Variants in LRIT2 observed in about 807,000 individuals in gnomAD.
The protein encoded by LRIT2 is leucine-rich repeat, immunoglobulin-like domain and transmembrane domain-containing protein 2.
A neutral mutation model predicts 22.4 loss-of-function variants in LRIT2; 23 were observed. The ratio of observed to expected loss-of-function variants is 1.03; its 90% CI spans 0.74 to 1.45. LRIT2 has a LOEUF of 1.45. Ranked by LOEUF, LRIT2 falls within the 40% of genes most tolerant of loss-of-function variation. LRIT2 has a pLI of 0.00. For missense variants in LRIT2, 784 were observed against 665.6 expected (o/e 1.18, Z -1.96); for synonymous variants, 291 against 267.1 (o/e 1.09, Z -0.87).
intron 1 of LRIT2, 86 bp downstream of exon 1, chr10:84,225,325 C>T: frequency 2.0e-6 from 3 of 1,463,714 alleles, no homozygotes; most frequent in Non-Finnish European, 2.8e-6. Flanking sequence ...GATTTCCTGC[C>T]AATTCTAAGC....
rs1842499204 is a variant in LRIT2 at position 84,221,113 on chromosome 10, T to C, written c.*807A>G. ...TGACTAGGGGAAAGCAGCGGACGTA[T>C]GGGTGCTCTTCCTTCTGGGTATGGC... On this transcript the variant is annotated 3_prime_UTR_variant, in exon 3 of 3. Transcript: ENST00000372113. 3 of 152,326 alleles carry C rather than the reference T, an allele frequency of 2.0e-5. No homozygotes were observed. The highest frequency in any genetic ancestry group is 2.1e-4 in the South Asian group (1 of 4,830). 9.4% of individuals were successfully genotyped at this position (152,326 alleles called of 1,614,324 possible).
rs1485326292 is a variant in LRIT2, at chr10:84,221,751, T to C, written c.*169A>G. 1 of 491,888 alleles carries C rather than the reference T, an allele frequency of 2.0e-6. No individual in the cohort carries two copies. Among genetic ancestry groups the C allele is most frequent in the Non-Finnish European group, 3.5e-6 (1 of 288,248 alleles). The allele number at this position is 491,888 out of a possible 1,614,324, so 30.5% of individuals were successfully genotyped here. ...GACTATGTCCCCTTTATCATGAAGA[T>C]AAAGACTCTGTTTCCCTTTTTACTC... On this transcript the variant is annotated 3_prime_UTR_variant, in exon 3 of 3. Coordinates refer to ENST00000372113, the MANE Select transcript of LRIT2 (RefSeq NM_001017924.5).
In LRIT2 at chr10:84,222,165, G is replaced by A; in HGVS notation, c.1408C>T (p.Leu470=). The change falls in exon 3 of 3, where the codon CTG becomes TTG. Residue 470 remains leucine (L), a synonymous_variant. Coordinates refer to ENST00000372113, the MANE Select transcript of LRIT2 (RefSeq NM_001017924.5). ...GGCACTGCAAGCAGCACCACACACA[G>A]GACCACTGTGACATGCAGGAGGTGC... ...REHLLHVTVV[L]CVVLLAVPVG... 1.2e-6 allele frequency: 2 copies of A among 1,614,014 alleles called. No individual in the cohort carries two copies. Among genetic ancestry groups the A allele is most frequent in the Middle Eastern group, 1.7e-4 (1 of 6,060 alleles).
At position 84,222,156 on chromosome 10, in the gene LRIT2, C is replaced by A; in HGVS notation, c.1417G>T (p.Val473Leu). 6.2e-7 allele frequency: 1 copy of A among 1,613,696 alleles called. No individual in the cohort carries two copies. Among genetic ancestry groups the A allele is most frequent in the Non-Finnish European group, 8.5e-7 (1 of 1,179,762 alleles). Residue 473 changes from valine (V) to leucine (L), a missense_variant, in exon 3 of 3, where the codon GTG (valine) becomes TTG (leucine). Transcript: ENST00000372113. ...GCGCCCACAGGCACTGCAAGCAGCA[C>A]CACACACAGGACCACTGTGACATGC... ...LLHVTVVLCVVLLAVPVGAYA... is the reference protein window; with the variant it reads ...LLHVTVVLCVLLLAVPVGAYA...
rs1842539248 is a variant in LRIT2, at chr10:84,224,333, C to T, written c.892G>A (p.Val298Met). 3.1e-6 allele frequency: 5 copies of T among 1,608,036 alleles called. No individual in the cohort carries two copies. The highest frequency in any genetic ancestry group is 2.7e-5 in the African/African-American group (2 of 74,798). ...YPLSMWREFD[V>M]LTSSTGEDTA... ...CACTGAGAGGGTGCATGTGGCTTAC[C>T]ATCAAATTCTCTCCACATACTCAGG... The change falls in exon 2 of 3, where the codon GTG becomes ATG. Residue 298 changes from valine to methionine, a missense_variant and splice_region_variant. Coordinates refer to ENST00000372113, the MANE Select transcript of LRIT2 (RefSeq NM_001017924.5).
At position 84,222,035 on chromosome 10, in the gene LRIT2, G is replaced by A; in HGVS notation, c.1538C>T (p.Ala513Val). 1.2e-6 allele frequency: 2 copies of A among 1,610,706 alleles called. No individual in the cohort carries two copies. The highest frequency in any genetic ancestry group is 2.2e-5 in the South Asian group (2 of 90,562). ...RRKAPSCTPA[A>V]PQSKDGSFRE... ...AAAGGAGCCATCCTTGGACTGCGGG[G>A]CTGCAGGGGTGCAGCTGGGGGCTTT... is the stretch of plus-strand genomic sequence containing the variant. Residue 513 changes from alanine to valine, a missense_variant, in exon 3 of 3, where the codon GCC becomes GTC. Ala to Val is a moderately conservative substitution (Grantham distance 64). Coordinates refer to ENST00000372113, the MANE Select transcript of LRIT2 (RefSeq NM_001017924.5).
intron 2 of LRIT2, 129 bp downstream of exon 2, chr10:84,224,204 G>A: frequency 1.2e-6 from 1 of 837,760 alleles, no homozygotes; most frequent in South Asian, 1.9e-5. Flanking sequence ...GCATAATTCA[G>A]GGCTATCCCA....
In LRIT2 at chr10:84,224,411, G is replaced by A; in HGVS notation, c.814C>T (p.Leu272=). 1 of 1,614,254 alleles carries A rather than the reference G, an allele frequency of 6.2e-7. No homozygotes were observed. Among genetic ancestry groups the A allele is most frequent in the Non-Finnish European group, 8.5e-7 (1 of 1,180,054 alleles). The change falls in exon 2 of 3, where the codon CTG becomes TTG. Residue 272 remains leucine (L), a synonymous_variant. Coordinates refer to ENST00000372113, the MANE Select transcript of LRIT2 (RefSeq NM_001017924.5). ...ITIRAGQNVT[L]RCLAQASPSP... ...GGGCTGGCCTGTGCCAAGCATCGCAGGGTCACATTCTGTCCTGCCCGGATG... is the reference window on the plus strand; with the variant it reads ...GGGCTGGCCTGTGCCAAGCATCGCAAGGTCACATTCTGTCCTGCCCGGATG...
In LRIT2 at chr10:84,224,945, T is replaced by C; in HGVS notation, c.280A>G (p.Ile94Val). The stretch of plus-strand genomic sequence containing the variant: ...AGGTGTTCCAGGGCTCCTAGGTGGA[T>C]CACACTGATATTGTTAAAATTGAGC... ...LWLNFNNISV[I>V]HLGALEHLPE... The change falls in exon 2 of 3, where the codon ATC becomes GTC. Residue 94 changes from isoleucine to valine, a missense_variant. Physicochemically the swap from Ile to Val is conservative, Grantham distance 29. Coordinates refer to ENST00000372113, the MANE Select transcript of LRIT2 (RefSeq NM_001017924.5). 6.2e-7 allele frequency: 1 copy of C among 1,614,148 alleles called. No homozygotes were observed. The highest frequency in any genetic ancestry group is 1.1e-5 in the South Asian group (1 of 91,076).
At chr10:84,223,521 G>A (rs962123790) in intron 2 of LRIT2, among the ~76,000 whole-genome samples, 5 of 111,596 alleles carry the variant, frequency 4.5e-5, no homozygotes, top group Admixed American at 4.1e-4. Context: ...CCAGAGTTTT[G>A]TCATAATGTA....
rs374058743 is a variant in LRIT2 at position 84,224,452 on chromosome 10, G to A, written c.773C>T (p.Pro258Leu). 1.2e-6 allele frequency: 2 copies of A among 1,614,138 alleles called. No individual in the cohort carries two copies. Among genetic ancestry groups the A allele is most frequent in the African/African-American group, 2.7e-5 (2 of 74,946 alleles). The change falls in exon 2 of 3, where the codon CCC (proline) becomes CTC (leucine). Residue 258 changes from proline to leucine, a missense_variant. Coordinates refer to ENST00000372113, the MANE Select transcript of LRIT2 (RefSeq NM_001017924.5). Reference sequence around the variant, plus strand: ...TGCCCGGATGGTGATATTGGCACTGGGGGTTGAGATCTGTGGCTTCATGCA... The same window carrying A: ...TGCCCGGATGGTGATATTGGCACTGAGGGTTGAGATCTGTGGCTTCATGCA... Reference protein sequence around the residue: ...SACMKPQISTPSANITIRAGQ... With the variant: ...SACMKPQISTLSANITIRAGQ...
rs1310211512 is a variant in LRIT2 at position 84,222,456 on chromosome 10, G to T, written c.1117C>A (p.Gln373Lys). The T allele has an allele frequency of 6.2e-7, 1 of 1,614,104 alleles. No individual in the cohort carries two copies. Among genetic ancestry groups the T allele is most frequent in the Non-Finnish European group, 8.5e-7 (1 of 1,180,028 alleles). ...TCCAGCAAAATCCCATGCACTGTCT[G>T]CTTGACAACCCGCAGGTCAATGTAG... ...NAYIDLRVVK[Q>K]TVHGILLEWL... The change falls in exon 3 of 3, where the codon CAG (glutamine) becomes AAG (lysine). Residue 373 changes from glutamine (Q) to lysine (K), a missense_variant. Gln to Lys is a moderately conservative substitution (Grantham distance 53). Coordinates refer to ENST00000372113, the MANE Select transcript of LRIT2 (RefSeq NM_001017924.5).
rs1464503657 is a variant in LRIT2, at chr10:84,222,184, G to A, written c.1389C>T (p.Leu463=). 5.0e-6 allele frequency: 8 copies of A among 1,614,184 alleles called. No homozygotes were observed. The highest frequency in any genetic ancestry group is 3.3e-5 in the Admixed American group (2 of 60,032). Residue 463 remains leucine (L), a synonymous_variant, in exon 3 of 3, where the codon CTC becomes CTT. Transcript: ENST00000372113. ...CACACAGGACCACTGTGACATGCAG[G>A]AGGTGCTCACGTGCCTCTAGCCCAC... The part of the protein sequence containing the change: ...DAGGLEAREH[L]LHVTVVLCVV...
Position 84,224,874 on chromosome 10 carries a change from T to C in LRIT2, c.351A>G (p.Ser117=), listed in dbSNP as rs776104653. 5.0e-6 allele frequency: 8 copies of C among 1,614,100 alleles called. No individual in the cohort carries two copies. The South Asian group carries it at 8.8e-5, about 18-fold the overall frequency. The change falls in exon 2 of 3, where the codon TCA becomes TCG. Residue 117 remains serine, a synonymous_variant. Transcript: ENST00000372113. ...ELRLEGNKLC[S]VPWTAFRATP... is the part of the protein sequence containing the mutation. ...TGGCACGGAACGCTGTCCATGGTAC[T>C]GAGCAGAGCTTGTTCCCCTCCAGTC... is the stretch of plus-strand genomic sequence containing the variant.
In LRIT2 at chr10:84,222,467, C is replaced by G. The variant is rs147451139; in HGVS notation, c.1106G>C (p.Arg369Pro). Residue 369 changes from arginine to proline, a missense_variant, in exon 3 of 3, where the codon CGG becomes CCG. Coordinates refer to ENST00000372113, the MANE Select transcript of LRIT2 (RefSeq NM_001017924.5). ...PSEGNAYIDL[R>P]VVKQTVHGIL... is the part of the protein sequence containing the mutation. Reference sequence around the variant, plus strand: ...CCCATGCACTGTCTGCTTGACAACCCGCAGGTCAATGTAGGCATTGCCCTC... The same window carrying G: ...CCCATGCACTGTCTGCTTGACAACCGGCAGGTCAATGTAGGCATTGCCCTC... 4 of 1,614,036 alleles carry G rather than the reference C, an allele frequency of 2.5e-6. No homozygotes were observed. In the Admixed American group the frequency reaches 6.7e-5, roughly 27 times the overall value.
rs147546091 is a variant in LRIT2, at chr10:84,222,065, C to A, written c.1508G>T (p.Arg503Leu). 32 of 1,610,458 alleles carry A rather than the reference C, an allele frequency of 2.0e-5. No homozygotes were observed. The highest frequency in any genetic ancestry group is 2.6e-5 in the Non-Finnish European group (31 of 1,178,102). The change falls in exon 3 of 3, where the codon CGC becomes CTC. Residue 503 changes from arginine (R) to leucine (L), a missense_variant. By Grantham distance (102) the Arg-to-Leu change is moderately radical. Transcript: ENST00000372113. Reference protein sequence around the residue: ...SKWVLRGCLHRRKAPSCTPAA... With the variant: ...SKWVLRGCLHLRKAPSCTPAA... ...AGGGGTGCAGCTGGGGGCTTTCCTG[C>A]GATGAAGACAGCCGCGCAGGACCCA...
chr10:84,224,653 G>T lies in LRIT2; in HGVS notation c.572C>A (p.Ser191Tyr). The T allele has an allele frequency of 6.2e-7, 1 of 1,614,180 alleles. No homozygotes were observed. Among genetic ancestry groups the T allele is most frequent in the Non-Finnish European group, 8.5e-7 (1 of 1,180,022 alleles). Residue 191 changes from serine to tyrosine, a missense_variant, in exon 2 of 3, where the codon TCC becomes TAC. Physicochemically the swap from Ser to Tyr is moderately radical, Grantham distance 144. Transcript: ENST00000372113. ...GTCATGCAGGGCCACCACCAGGCTG[G>T]AGAGAATCTCAGCCCCACAGTCAGG... ...RQPDCGAEILSSLVVALHDNP... is the reference protein window; with the variant it reads ...RQPDCGAEILYSLVVALHDNP...
rs1396604731 is a variant in LRIT2 at position 84,222,163 on chromosome 10, C to G, written c.1410G>C (p.Leu470=). 13 of 1,613,802 alleles carry G rather than the reference C, an allele frequency of 8.1e-6. No homozygotes were observed. Among genetic ancestry groups the G allele is most frequent in the East Asian group, 2.2e-5 (1 of 44,890 alleles). Reference sequence around the variant, plus strand: ...CAGGCACTGCAAGCAGCACCACACACAGGACCACTGTGACATGCAGGAGGT... The same window carrying G: ...CAGGCACTGCAAGCAGCACCACACAGAGGACCACTGTGACATGCAGGAGGT... ...REHLLHVTVV[L]CVVLLAVPVG... The change falls in exon 3 of 3, where the codon CTG becomes CTC. Residue 470 remains leucine, a synonymous_variant. Transcript: ENST00000372113.
chr10:84,224,448 A>G lies in LRIT2; in HGVS notation c.777T>C (p.Ser259=). Residue 259 remains serine, a synonymous_variant, in exon 2 of 3, where the codon AGT becomes AGC. Transcript: ENST00000372113. The part of the protein sequence containing the change: ...ACMKPQISTP[S]ANITIRAGQN... Reference sequence around the variant, plus strand: ...GTCCTGCCCGGATGGTGATATTGGCACTGGGGGTTGAGATCTGTGGCTTCA... The same window carrying G: ...GTCCTGCCCGGATGGTGATATTGGCGCTGGGGGTTGAGATCTGTGGCTTCA... 6 of 1,614,234 alleles carry G rather than the reference A, an allele frequency of 3.7e-6. 1 individual carries two copies. In the South Asian group the frequency reaches 6.6e-5, roughly 18 times the overall value.
Sources: allele counts gnomAD v4.1 joint callset (sites outside exome capture counted in the v4.1 genomes callset), GRCh38; gene constraint gnomAD v4.1.1; transcripts MANE v1.5; gene names NCBI Gene and HGNC (gene_info 2026-07-23, HGNC 2026-07-21).